ACTG1: variants seen among roughly 807,000 people sequenced by gnomAD.
ACTG1 encodes actin gamma 1, also known as actin, cytoplasmic 2.
ACTG1 carries 14 observed loss-of-function variants against 34.3 expected under a neutral mutation model. The observed-to-expected ratio is 0.41, with a 90% confidence interval of 0.27 to 0.64. ACTG1 has a LOEUF of 0.64. ACTG1 is among the 30% of genes least tolerant of loss of function. ACTG1 has a pLI of 0.33. For missense variants in ACTG1, 233 were observed against 529.5 expected (o/e 0.44, Z 5.50); for synonymous variants, 422 against 213.9 (o/e 1.97, Z -8.49).
rs188302477 is a variant in ACTG1 at position 81,510,491 on chromosome 17, T to A, written c.*199A>T. ...ATTAAACAAATACCAAGGGGAACAG[T>A]TAACTTCAATACAAGGTCAAAATCA... On this transcript the variant is annotated 3_prime_UTR_variant, in exon 6 of 6. Transcript: ENST00000573283. The A allele has an allele frequency of 1.1e-3, 833 of 754,764 alleles. No individual in the cohort carries two copies. The highest frequency in any genetic ancestry group is 1.7e-3 in the Non-Finnish European group (727 of 432,438). 46.8% of individuals were successfully genotyped at this position (754,764 alleles called of 1,614,324 possible). A position where few individuals can be genotyped will look rare whatever the true frequency, so the allele number is the denominator to read the frequency against.
rs782442814 is a variant in ACTG1, at chr17:81,511,504, C to T, written c.486G>A (p.Thr162=). ...GGGCGTAGCCCTCGTAGATGGGCACCGTGTGGGTGACCCCGTCTCCAGAGT... is the reference window on the plus strand; with the variant it reads ...GGGCGTAGCCCTCGTAGATGGGCACTGTGTGGGTGACCCCGTCTCCAGAGT... The part of the protein sequence containing the change: ...VMDSGDGVTH[T]VPIYEGYALP... The change falls in exon 4 of 6, where the codon ACG becomes ACA. Residue 162 remains threonine (T), a synonymous_variant. Coordinates refer to ENST00000573283, the MANE Select transcript of ACTG1 (RefSeq NM_001614.5). The T allele has an allele frequency of 1.2e-4, 194 of 1,613,668 alleles. No homozygotes were observed. Among genetic ancestry groups the T allele is most frequent in the Middle Eastern group, 9.9e-4 (6 of 6,082 alleles).
intron 3 of ACTG1, 94 bp from the exon 4 acceptor site, chr17:81,511,720 G>T: frequency 6.6e-7 from 1 of 1,516,408 alleles, no homozygotes; most frequent in South Asian, 1.2e-5. Context: ...AGTGTGATGT[G>T]TGGAGAAAAG....
chr17:81,512,535 G>T (rs551964923), intron 1 of ACTG1, 175 bp from the exon 2 acceptor site: 5 of 1,076,876 alleles, frequency 4.6e-6, no homozygotes, highest in Non-Finnish European at 6.8e-6. Context: ...AACGTCCACG[G>T]CTCGGAAGTC....
rs1371743667 is a variant in ACTG1, at chr17:81,512,797, G to A, written c.-70C>T. The A allele has an allele frequency of 1.3e-4, 52 of 409,950 alleles. 1 individual carries two copies. Among genetic ancestry groups the A allele is most frequent in the Admixed American group, 3.3e-4 (12 of 36,498 alleles). The allele number at this position is 409,950 out of a possible 1,614,324, so 25.4% of individuals were successfully genotyped here. A position where few individuals can be genotyped will look rare whatever the true frequency, so the allele number is the denominator to read the frequency against. On this transcript the variant is annotated 5_prime_UTR_variant, in exon 1 of 6. Transcript: ENST00000573283. Reference sequence around the variant, plus strand: ...AGTGCGAGAGCTGGCAGCGGCGACTGAGACCGACCGCGGCCTCCCCCGCCG... The same window carrying A: ...AGTGCGAGAGCTGGCAGCGGCGACTAAGACCGACCGCGGCCTCCCCCGCCG...
In ACTG1 at chr17:81,510,497, TCAATA is replaced by T. The variant is rs782324608; in HGVS notation, c.*188_*192del. Reference sequence around the variant, plus strand: ...CAAATACCAAGGGGAACAGTTAACTTCAATACAAGGTCAAAATCAGCAACAAGTTC... The same window carrying T: ...CAAATACCAAGGGGAACAGTTAACTTCAAGGTCAAAATCAGCAACAAGTTC... On this transcript the variant is annotated 3_prime_UTR_variant, in exon 6 of 6. Coordinates refer to ENST00000573283, the MANE Select transcript of ACTG1 (RefSeq NM_001614.5). 5.4e-5 allele frequency: 42 copies of T among 777,028 alleles called. No individual in the cohort carries two copies. Among genetic ancestry groups the T allele is most frequent in the Non-Finnish European group, 7.5e-5 (34 of 451,214 alleles). 48.1% of individuals were successfully genotyped at this position (777,028 alleles called of 1,614,324 possible).
rs375647200 is a variant in ACTG1 at position 81,511,197 on chromosome 17, A to C, written c.793T>G (p.Ser265Ala). 4 of 1,613,706 alleles carry C rather than the reference A, an allele frequency of 2.5e-6. No homozygotes were observed. Among genetic ancestry groups the C allele is most frequent in the South Asian group, 1.1e-5 (1 of 91,086 alleles). The stretch of plus-strand genomic sequence containing the variant: ...AGCTCACAACACCTACCCAGGAAGG[A>C]AGGCTGGAACAGCGCCTCCGGACAC... ...FRCPEALFQP[S>A]FLGMESCGIH... Residue 265 changes from serine (S) to alanine (A), a missense_variant, in exon 4 of 6, where the codon TCC becomes GCC. Transcript: ENST00000573283.
In ACTG1 at chr17:81,511,549, G is replaced by C. The variant is rs553487675; in HGVS notation, c.441C>G (p.Arg147=). Residue 147 remains arginine (R), a synonymous_variant, in exon 4 of 6, where the codon CGC becomes CGG. Coordinates refer to ENST00000573283, the MANE Select transcript of ACTG1 (RefSeq NM_001614.5). ...CAGAGTCCATGACAATGCCAGTGGT[G>C]CGCCCAGAGGCGTAGAGGGACAGCA... ...QAVLSLYASG[R]TTGIVMDSGD... 6.2e-7 allele frequency: 1 copy of C among 1,613,878 alleles called. No homozygotes were observed. The highest frequency in any genetic ancestry group is 1.7e-5 in the Admixed American group (1 of 60,032).
At position 81,512,302 on chromosome 17, in the gene ACTG1, T is replaced by C. The variant is rs1555667257; in HGVS notation, c.53A>G (p.Lys18Arg). 6.2e-7 allele frequency: 1 copy of C among 1,613,836 alleles called. No individual in the cohort carries two copies. The highest frequency in any genetic ancestry group is 8.5e-7 in the Non-Finnish European group (1 of 1,179,932). The change falls in exon 2 of 6, where the codon AAA becomes AGA. Residue 18 changes from lysine to arginine, a missense_variant. Transcript: ENST00000573283. ...LVIDNGSGMC[K>R]AGFAGDDAPR... Reference sequence around the variant, plus strand: ...AGCGTCGTCCCCAGCAAAACCAGCTTTGCACATGCCGGAGCCATTGTCAAT... The same window carrying C: ...AGCGTCGTCCCCAGCAAAACCAGCTCTGCACATGCCGGAGCCATTGTCAAT...
intron 3 of ACTG1, 25 bp from the exon 4 acceptor site, chr17:81,511,651 A>C (rs552766451): frequency 6.2e-7 from 1 of 1,607,788 alleles, no homozygotes; most frequent in Non-Finnish European, 8.5e-7. Flanking sequence ...GGGGCGGCTT[A>C]GTCAGGGACA....
intron 4 of ACTG1, 28 bp downstream of exon 4, chr17:81,511,155 TAAGAG>T: frequency 4.3e-6 from 7 of 1,613,616 alleles, no homozygotes; most frequent in Non-Finnish European, 5.9e-6. Context: ...ACCGAGGATG[TAAGAG>T]TAGAAACCTT....
intron 4 of ACTG1, 24 bp from the exon 5 acceptor site, chr17:81,511,132 G>C (rs368951838): frequency 2.7e-4 from 439 of 1,613,774 alleles, no homozygotes; most frequent in Non-Finnish European, 3.6e-4. Flanking sequence ...CCCTCCCTTA[G>C]TGATGCTGTG....
Position 81,510,981 on chromosome 17 carries a change from G to A in ACTG1, c.930C>T (p.Ala310=), listed in dbSNP as rs1135989. 0.35 allele frequency: 557,900 copies of A among 1,613,808 alleles called. 104,483 individuals carry two copies. Among genetic ancestry groups the A allele is most frequent in the Non-Finnish European group, 0.39 (457,170 of 1,179,930 alleles). ...CGGTGATCTCCTTCTGCATCCTGTC[G>A]GCAATGCCCGGGTACATGGTGGTGC... ...SGGTTMYPGI[A]DRMQKEITAL... Residue 310 remains alanine, a synonymous_variant, in exon 5 of 6, where the codon GCC becomes GCT. Coordinates refer to ENST00000573283, the MANE Select transcript of ACTG1 (RefSeq NM_001614.5).
Position 81,510,910 on chromosome 17 carries a change from C to A in ACTG1, c.984+17G>T. On this transcript the variant is annotated intron_variant, in intron 5 of 5. Coordinates refer to ENST00000573283, the MANE Select transcript of ACTG1 (RefSeq NM_001614.5). The stretch of plus-strand genomic sequence containing the variant: ...CTCTCCCGAGCCAGGCAGAGGGCCA[C>A]CAACCCCTCGACTCACCTTGATCTT... 2 of 1,613,930 alleles carry A rather than the reference C, an allele frequency of 1.2e-6. No individual in the cohort carries two copies.
At position 81,511,283 on chromosome 17, in the gene ACTG1, A is replaced by G. The variant is rs2031752734; in HGVS notation, c.707T>C (p.Leu236Pro). The G allele has an allele frequency of 1.2e-6, 2 of 1,613,828 alleles. No individual in the cohort carries two copies. Among genetic ancestry groups the G allele is most frequent in the East Asian group, 2.2e-5 (1 of 44,882 alleles). The stretch of plus-strand genomic sequence containing the variant: ...ATCGGGCAGCTCGTAGCTCTTCTCC[A>G]GAGAAGAGGAGGATGCGGCGGTGGC... The part of the protein sequence containing the change: ...EMATAASSSS[L>P]EKSYELPDGQ... Residue 236 changes from leucine to proline, a missense_variant, in exon 4 of 6, where the codon CTG (leucine) becomes CCG (proline). Transcript: ENST00000573283.
Position 81,510,612 on chromosome 17 carries a change from G to A in ACTG1, c.*78C>T, listed in dbSNP as rs782042988. The A allele has an allele frequency of 1.3e-6, 2 of 1,566,734 alleles. No individual in the cohort carries two copies. Among genetic ancestry groups the A allele is most frequent in the Admixed American group, 1.7e-5 (1 of 59,958 alleles). On this transcript the variant is annotated 3_prime_UTR_variant, in exon 6 of 6. Transcript: ENST00000573283. ...TTCCAGTTTCGTGAGGCTAGCATGAGGTGTGTGCATTTGCCAGGGGCAAAT... is the reference window on the plus strand; with the variant it reads ...TTCCAGTTTCGTGAGGCTAGCATGAAGTGTGTGCATTTGCCAGGGGCAAAT...
intron 1 of ACTG1, 172 bp from the exon 2 acceptor site, chr17:81,512,532 A>G: frequency 9.1e-7 from 1 of 1,095,874 alleles, no homozygotes; most frequent in East Asian, 2.6e-5. Context: ...CGTAACGTCC[A>G]CGGCTCGGAA....
Position 81,512,760 on chromosome 17 carries a change from G to C in ACTG1, c.-33C>G, listed in dbSNP as rs782144654. Reference sequence around the variant, plus strand: ...GGCAGAGAAACGCGACGGCGGAGCGGCGGAAGAACAGAGTGCGAGAGCTGG... The same window carrying C: ...GGCAGAGAAACGCGACGGCGGAGCGCCGGAAGAACAGAGTGCGAGAGCTGG... On this transcript the variant is annotated 5_prime_UTR_variant, in exon 1 of 6. Coordinates refer to ENST00000573283, the MANE Select transcript of ACTG1 (RefSeq NM_001614.5). The C allele has an allele frequency of 7.7e-5, 32 of 414,484 alleles. No individual in the cohort carries two copies. Among genetic ancestry groups the C allele is most frequent in the Non-Finnish European group, 1.2e-4 (25 of 211,628 alleles). 25.7% of individuals were successfully genotyped at this position (414,484 alleles called of 1,614,324 possible).
Position 81,510,571 on chromosome 17 carries a change from T to C in ACTG1, c.*119A>G. The stretch of plus-strand genomic sequence containing the variant: ...TCAGATACAAGCTTCAAGGACAATT[T>C]CTTTTCGAAGGCTTATTCCAGTTTC... On this transcript the variant is annotated 3_prime_UTR_variant, in exon 6 of 6. Transcript: ENST00000573283. The C allele has an allele frequency of 7.5e-7, 1 of 1,328,010 alleles. No homozygotes were observed. The highest frequency in any genetic ancestry group is 1.1e-6 in the Non-Finnish European group (1 of 925,888). 82.3% of individuals were successfully genotyped at this position (1,328,010 alleles called of 1,614,324 possible). A position where few individuals can be genotyped will look rare whatever the true frequency, so the allele number is the denominator to read the frequency against.
intron 3 of ACTG1, 86 bp from the exon 4 acceptor site, chr17:81,511,712 T>A: frequency 6.6e-7 from 1 of 1,517,540 alleles, no homozygotes. Flanking sequence ...TGCATGCCAG[T>A]GTGATGTGTG....
Sources: allele counts gnomAD v4.1 joint callset, GRCh38; gene constraint gnomAD v4.1.1; transcripts MANE v1.5; gene names NCBI Gene and HGNC (gene_info 2026-07-23, HGNC 2026-07-21).